IGSF9B: variants seen among roughly 807,000 people sequenced by gnomAD.
IGSF9B encodes the protein immunoglobulin superfamily member 9B, also known as protein turtle homolog B.
A neutral mutation model predicts 143.7 loss-of-function variants in IGSF9B; 48 were observed. That is an observed-to-expected ratio of 0.33 (90% CI 0.26 to 0.42). The LOEUF (loss-of-function observed/expected upper bound fraction) is 0.42. Ranked by LOEUF, IGSF9B falls within the 20% of genes least tolerant of loss-of-function variation. IGSF9B has a pLI of 1.00. For missense variants in IGSF9B, 1,706 were observed against 1,980.0 expected (o/e 0.86, Z 2.63); for synonymous variants, 903 against 833.1 (o/e 1.08, Z -1.44).
chr11:133,919,903 G>A lies in IGSF9B; in HGVS notation c.3822C>T (p.Gly1274=). Residue 1274 remains glycine (G), a synonymous_variant, in exon 18 of 20, where the codon GGC becomes GGT. Transcript: ENST00000533871. ...SGSPSYRPAM[G]FTTLATGYPS... is the part of the protein sequence containing the mutation. ...GGTAGCCGGTGGCCAGAGTGGTGAA[G>A]CCCATGGCGGGCCGGTAGCTGGGAC... 2 of 1,576,440 alleles carry A rather than the reference G, an allele frequency of 1.3e-6. No individual in the cohort carries two copies. The highest frequency in any genetic ancestry group is 8.6e-7 in the Non-Finnish European group (1 of 1,160,596).
chr11:133,909,312 C>T lies in IGSF9B; in HGVS notation c.4106-35G>A. 6.7e-7 allele frequency: 1 copy of T among 1,497,004 alleles called. No homozygotes were observed. The highest frequency in any genetic ancestry group is 9.0e-7 in the Non-Finnish European group (1 of 1,111,748). The allele number at this position is 1,497,004 out of a possible 1,614,324, so 92.7% of individuals were successfully genotyped here. A position where few individuals can be genotyped will look rare whatever the true frequency, so the allele number is the denominator to read the frequency against. ...AAGGAAGAGGGACGCAAAAGAGAAG[C>T]AAGCGGATGAAAAGGAAGCACGCAG... is the stretch of plus-strand genomic sequence containing the variant. On this transcript the variant is annotated intron_variant, in intron 19 of 19. Transcript: ENST00000533871. This position sits in a 1 kb window ranked among gnomAD's most constrained non-coding sequence, Gnocchi z 4.2.
At chr11:133,922,257 C>T (rs1262574713) in intron 16 of IGSF9B, 35 bp from the exon 17 acceptor site, 2 of 1,571,192 alleles carry the variant, frequency 1.3e-6, no homozygotes, top group South Asian at 2.2e-5. Flanking sequence ...GCTGCTGAGG[C>T]CAAGCCAGCA....
rs1326922003 is a variant in IGSF9B, at chr11:133,907,589, G to A, written c.*1480C>T. 6.6e-6 allele frequency among the ~76,000 whole-genome samples: 1 copy of A among 152,234 alleles called. No homozygotes were observed. The highest frequency in any genetic ancestry group is 2.4e-5 in the African/African-American group (1 of 41,460). ...CTCGGGGCCTTCTGCCCTGCCCTTG[G>A]GCAGCACCATATCTTACCGGCAGAG... On this transcript the variant is annotated 3_prime_UTR_variant, in exon 20 of 20. Transcript: ENST00000533871.
rs914073957 is a variant in IGSF9B, at chr11:133,905,813, G to C, written c.*3256C>G. On this transcript the variant is annotated 3_prime_UTR_variant, in exon 20 of 20. Coordinates refer to ENST00000533871, the MANE Select transcript of IGSF9B (RefSeq NM_001277285.4). This position sits in a 1 kb window ranked among gnomAD's most constrained non-coding sequence, Gnocchi z 4.0. The stretch of plus-strand genomic sequence containing the variant: ...AGAGCCACCCCAACAATCCAGCACA[G>C]GACCCCGCTCAGCACCAGGGAGCCC... Among the ~76,000 whole-genome samples the C allele has an allele frequency of 6.6e-6, 1 of 152,224 alleles. No homozygotes were observed. The highest frequency in any genetic ancestry group is 1.5e-5 in the Non-Finnish European group (1 of 68,046).
In IGSF9B at chr11:133,902,568, CCACACACA is replaced by C. The variant is rs147664648; in HGVS notation, c.*6493_*6500del. Among the ~76,000 whole-genome samples the C allele has an allele frequency of 6.9e-6, 1 of 145,092 alleles. No individual in the cohort carries two copies. The highest frequency in any genetic ancestry group is 2.6e-5 in the African/African-American group (1 of 38,964). ...CACACACCACATACACACACACACC[CCACACACA>C]CACACACACACCCCACTTACTTCCT... On this transcript the variant is annotated 3_prime_UTR_variant, in exon 20 of 20. Transcript: ENST00000533871.
intron 12 of IGSF9B, among the ~76,000 whole-genome samples, chr11:133,929,395 C>T (rs571369179): frequency 2.1e-4 from 32 of 152,180 alleles, no homozygotes; most frequent in Non-Finnish European, 4.1e-4. Context: ...TGAAGCAGGA[C>T]GCAAAACGAG....
rs751458434 is a variant in IGSF9B at position 133,909,014 on chromosome 11, C to T, written c.*55G>A. ...GGAGGACACACCCCCACACAGTGGCCCTCCCTGCCTGAGCCCAGCAACCTC... is the reference window on the plus strand; with the variant it reads ...GGAGGACACACCCCCACACAGTGGCTCTCCCTGCCTGAGCCCAGCAACCTC... On this transcript the variant is annotated 3_prime_UTR_variant, in exon 20 of 20. Coordinates refer to ENST00000533871, the MANE Select transcript of IGSF9B (RefSeq NM_001277285.4). This position sits in a 1 kb window ranked among gnomAD's most constrained non-coding sequence, Gnocchi z 4.2. 2 of 1,443,950 alleles carry T rather than the reference C, an allele frequency of 1.4e-6. No individual in the cohort carries two copies. The highest frequency in any genetic ancestry group is 1.2e-5 in the South Asian group (1 of 80,504). The allele number at this position is 1,443,950 out of a possible 1,614,324, so 89.4% of individuals were successfully genotyped here. A position where few individuals can be genotyped will look rare whatever the true frequency, so the allele number is the denominator to read the frequency against.
intron 15 of IGSF9B, 120 bp from the exon 16 acceptor site, chr11:133,922,850 G>T (rs1221027684): frequency 3.3e-6 from 3 of 902,736 alleles, no homozygotes; most frequent in Admixed American, 5.3e-5. Context: ...CAAGGCTCGG[G>T]CTCCAAGCTG....
rs781016755 is a variant in IGSF9B, at chr11:133,935,765, G to A, written c.822-3C>T. The A allele has an allele frequency of 2.5e-6, 4 of 1,610,710 alleles. No individual in the cohort carries two copies. The highest frequency in any genetic ancestry group is 1.7e-5 in the Admixed American group (1 of 59,844). On this transcript the variant is annotated splice_region_variant and splice_polypyrimidine_tract_variant and intron_variant, in intron 6 of 19. Transcript: ENST00000533871. ...TGCGCACCCTCAGCTTCAGGTCGCT[G>A]CAAAGCGGCATGGGGACAGGGGGTT...
Position 133,931,359 on chromosome 11 carries a change from C to G in IGSF9B, c.1368+94G>C. The G allele has an allele frequency of 1.1e-6, 1 of 950,994 alleles. No individual in the cohort carries two copies. The highest frequency in any genetic ancestry group is 2.9e-4 in the Middle Eastern group (1 of 3,402). The allele number at this position is 950,994 out of a possible 1,614,324, so 58.9% of individuals were successfully genotyped here. A position where few individuals can be genotyped will look rare whatever the true frequency, so the allele number is the denominator to read the frequency against. On this transcript the variant is annotated intron_variant, in intron 10 of 19. Coordinates refer to ENST00000533871, the MANE Select transcript of IGSF9B (RefSeq NM_001277285.4). The surrounding 1 kb of genome is among the most constrained non-coding windows in gnomAD (Gnocchi z 7.7). ...GGGCCCTCACACCTCCCCTCAGCCC[C>G]GGGGCTCGCTGGGCCCTCAAACCTC... is the stretch of plus-strand genomic sequence containing the variant.
Position 133,906,106 on chromosome 11 carries a change from G to C in IGSF9B, c.*2963C>G, listed in dbSNP as rs1349874433. On this transcript the variant is annotated 3_prime_UTR_variant, in exon 20 of 20. Transcript: ENST00000533871. ...CCGTAAAAGGGGAAGTTTGGAAGGC[G>C]TGATCTCCTACAGAGTGAGTGCCGA... is the stretch of plus-strand genomic sequence containing the variant. Among the ~76,000 whole-genome samples the C allele has an allele frequency of 6.6e-6, 1 of 152,240 alleles. No individual in the cohort carries two copies. The highest frequency in any genetic ancestry group is 2.4e-5 in the African/African-American group (1 of 41,470).
At chr11:133,911,802 T>A (rs776105384) in intron 19 of IGSF9B, 84 bp downstream of exon 19, 1 of 1,349,716 alleles carries the variant, frequency 7.4e-7, no homozygotes, top group East Asian at 2.7e-5. Context: ...CCAATAACCC[T>A]CCTGACAACG....
At position 133,920,591 on chromosome 11, in the gene IGSF9B, A is replaced by G. The variant is rs1000341360; in HGVS notation, c.3134T>C (p.Phe1045Ser). ...TGGGGTCTCCAGCCCCCCGAAGGGG[A>G]ATTCTGGCCGGCCCCAGGGCTCAGG... ...RSPEPWGRPE[F>S]PFGGLETPAM... Residue 1045 changes from phenylalanine (F) to serine (S), a missense_variant, in exon 18 of 20, where the codon TTC becomes TCC. This residue lies in a region of IGSF9B where 880 missense variants were observed against 762.9 expected (regional missense o/e 1.15). Coordinates refer to ENST00000533871, the MANE Select transcript of IGSF9B (RefSeq NM_001277285.4). The G allele has an allele frequency of 8.1e-6, 13 of 1,613,154 alleles. No homozygotes were observed. Among genetic ancestry groups the G allele is most frequent in the African/African-American group, 4.0e-5 (3 of 74,860 alleles).
In IGSF9B at chr11:133,940,092, C is replaced by T. The variant is rs138296071; in HGVS notation, c.410-2131G>A. 4.0e-3 allele frequency among the ~76,000 whole-genome samples: 595 copies of T among 148,352 alleles called. 10 individuals are homozygous for T. Among genetic ancestry groups the T allele is most frequent in the Non-Finnish European group, 4.8e-3 (322 of 67,230 alleles). On this transcript the variant is annotated intron_variant, in intron 3 of 19. Coordinates refer to ENST00000533871, the MANE Select transcript of IGSF9B (RefSeq NM_001277285.4). ...CAGAAACATACACCTTGCACGTCCCCGCACGCATCATCACATAAACATACA... is the reference window on the plus strand; with the variant it reads ...CAGAAACATACACCTTGCACGTCCCTGCACGCATCATCACATAAACATACA...
In IGSF9B at chr11:133,901,862, G is replaced by A. The variant is rs574040682; in HGVS notation, c.*7207C>T. Among the ~76,000 whole-genome samples, 52 of 82,932 alleles carry A rather than the reference G, an allele frequency of 6.3e-4. No individual in the cohort carries two copies. The highest frequency in any genetic ancestry group is 0.01 in the Middle Eastern group (1 of 96). 54.4% of individuals were successfully genotyped at this position (82,932 alleles called of 152,430 possible). On this transcript the variant is annotated 3_prime_UTR_variant, in exon 20 of 20. Coordinates refer to ENST00000533871, the MANE Select transcript of IGSF9B (RefSeq NM_001277285.4). The stretch of plus-strand genomic sequence containing the variant: ...CACACACCACACACGCACCACACAC[G>A]CACCACACACGCACCACACACACAC...
intron 18 of IGSF9B, among the ~76,000 whole-genome samples, chr11:133,919,480 G>T (rs1725395145): frequency 6.6e-6 from 1 of 151,986 alleles, no homozygotes; most frequent in African/African-American, 2.4e-5. Context: ...CTGGTAGGTG[G>T]TGCGCCCGCC....
Position 133,953,421 on chromosome 11 carries a change from T to TAC in IGSF9B, c.64+3268_64+3269dup. ...GTCCCCAGCATGTGTGTGCTGAGGATACACACACACATCCATCCAGCCACT... is the reference window on the plus strand; with the variant it reads ...GTCCCCAGCATGTGTGTGCTGAGGATACACACACACACATCCATCCAGCCACT... On this transcript the variant is annotated intron_variant, in intron 1 of 19. Transcript: ENST00000533871. This position sits in a 1 kb window ranked among gnomAD's most constrained non-coding sequence, Gnocchi z 4.2. Among the ~76,000 whole-genome samples, 1 of 152,218 alleles carries TAC rather than the reference T, an allele frequency of 6.6e-6. No individual in the cohort carries two copies. Among genetic ancestry groups the TAC allele is most frequent in the Non-Finnish European group, 1.5e-5 (1 of 68,006 alleles).
Position 133,956,800 on chromosome 11 carries a change from C to T in IGSF9B, c.-46G>A, listed in dbSNP as rs1940265423. 2 of 1,269,942 alleles carry T rather than the reference C, an allele frequency of 1.6e-6. No individual in the cohort carries two copies. Among genetic ancestry groups the T allele is most frequent in the African/African-American group, 1.5e-5 (1 of 65,022 alleles). 78.7% of individuals were successfully genotyped at this position (1,269,942 alleles called of 1,614,324 possible). A position where few individuals can be genotyped will look rare whatever the true frequency, so the allele number is the denominator to read the frequency against. ...GAGCCTCATCCTATCGCAAAGTGCT[C>T]CCGCGCCCGCACGCGCCTCGCGCCC... On this transcript the variant is annotated 5_prime_UTR_variant, in exon 1 of 20. Transcript: ENST00000533871.
chr11:133,929,196 A>AGT (rs1470380284), intron 12 of IGSF9B, among the ~76,000 whole-genome samples: 3 of 152,240 alleles, frequency 2.0e-5, no homozygotes, highest in Non-Finnish European at 4.4e-5. Flanking sequence ...TACACACTGC[A>AGT]TGCCTATATC....
Sources: allele counts gnomAD v4.1 joint callset (sites outside exome capture counted in the v4.1 genomes callset), GRCh38; gene constraint gnomAD v4.1.1; regional missense constraint gnomAD v4.1.1; non-coding constraint Gnocchi (gnomAD v3.1); transcripts MANE v1.5; gene names NCBI Gene and HGNC (gene_info 2026-07-23, HGNC 2026-07-21).